Variants in AGPAT3 observed in about 807,000 individuals in gnomAD.
The protein encoded by AGPAT3 is 1-acylglycerol-3-phosphate O-acyltransferase 3, also known as 1-acyl-sn-glycerol-3-phosphate acyltransferase gamma.
AGPAT3 carries 5 observed loss-of-function variants against 47.3 expected under a neutral mutation model. The ratio of observed to expected loss-of-function variants is 0.11; its 90% CI spans 0.06 to 0.22. The LOEUF (loss-of-function observed/expected upper bound fraction) is 0.22, where lower values mean the gene tolerates loss of function less well. Ranked by LOEUF, AGPAT3 falls within the 10% of genes least tolerant of loss-of-function variation. AGPAT3 has a pLI of 1.00. For missense variants in AGPAT3, 315 were observed against 493.0 expected (o/e 0.64, Z 3.42); for synonymous variants, 212 against 208.3 (o/e 1.02, Z -0.15).
intron 2 of AGPAT3, among the ~76,000 whole-genome samples, chr21:43,910,164 G>C (rs534513964): frequency 6.6e-6 from 1 of 152,262 alleles, no homozygotes; most frequent in Non-Finnish European, 1.5e-5. Flanking sequence ...GGACAGAGAG[G>C]GATGGAGACG....
intron 2 of AGPAT3, among the ~76,000 whole-genome samples, chr21:43,917,781 GT>G (rs1238362030): frequency 1.4e-5 from 2 of 146,042 alleles, no homozygotes; most frequent in Non-Finnish European, 3.0e-5. Context: ...TTGGGGTGTT[GT>G]GGGTATTGTG....
intron 1 of AGPAT3, among the ~76,000 whole-genome samples, chr21:43,896,901 G>A (rs1013612236): frequency 1.5e-5 from 2 of 130,456 alleles, no homozygotes. Flanking sequence ...TGTAGACAGT[G>A]TATGATTGGA....
intron 2 of AGPAT3, among the ~76,000 whole-genome samples, chr21:43,927,000 A>G (rs1430182209): frequency 4.6e-5 from 7 of 150,680 alleles, no homozygotes; most frequent in South Asian, 2.1e-4. Context: ...AAAAAAAAAA[A>G]AGAGACAGGG....
At chr21:43,959,430 C>T (rs200998640) in intron 2 of AGPAT3, among the ~76,000 whole-genome samples, 2 of 110,030 alleles carry the variant, frequency 1.8e-5, no homozygotes, top group South Asian at 3.1e-4. Context: ...TGGTGTGTGG[C>T]GTGTGTGTGG....
chr21:43,968,975 C>T, intron 4 of AGPAT3, 143 bp from the exon 5 acceptor site: 1 of 825,210 alleles, frequency 1.2e-6, no homozygotes, highest in Non-Finnish European at 1.8e-6. Flanking sequence ...CCGGGTCCTG[C>T]TTCACAGCAG....
Position 43,948,726 on chromosome 21 carries a change from G to C in AGPAT3, c.-48-10908G>C, listed in dbSNP as rs187589936. On this transcript the variant is annotated intron_variant, in intron 2 of 9. Coordinates refer to ENST00000291572, the MANE Select transcript of AGPAT3 (RefSeq NM_020132.5). ...AAAAGATTCTCATGAACCTAGCAGC[G>C]GTTTTAATTTTGTATTTTATTTATT... 5.0e-3 allele frequency among the ~76,000 whole-genome samples: 754 copies of C among 152,192 alleles called. 3 individuals carry two copies. Among genetic ancestry groups the C allele is most frequent in the African/African-American group, 0.017 (703 of 41,508 alleles).
chr21:43,904,813 TGCTTTCTA>T (rs2086450286), intron 2 of AGPAT3, among the ~76,000 whole-genome samples: 22 of 152,312 alleles, frequency 1.4e-4, no homozygotes, highest in African/African-American at 4.6e-4. Flanking sequence ...CCACTGTGGC[TGCTTTCTA>T]CCCAGGAGGT....
chr21:43,912,514 T>C (rs1248578767), intron 2 of AGPAT3, among the ~76,000 whole-genome samples: 5 of 152,268 alleles, frequency 3.3e-5, no homozygotes, highest in Non-Finnish European at 5.9e-5. Flanking sequence ...CTTTGTTCTT[T>C]CCAATCTTTG....
At chr21:43,899,338 G>A (rs918300301) in intron 1 of AGPAT3, among the ~76,000 whole-genome samples, 4 of 152,138 alleles carry the variant, frequency 2.6e-5, no homozygotes, top group African/African-American at 9.7e-5. Flanking sequence ...TCTCTCCTTT[G>A]AAGGTAGTCT....
chr21:43,920,219 G>GTGTGAA lies in AGPAT3; in HGVS notation c.-49+16205_-49+16206insATGTGA, dbSNP rs35956506. Among the ~76,000 whole-genome samples, 32 of 12,540 alleles carry GTGTGAA rather than the reference G, an allele frequency of 2.6e-3. No individual in the cohort carries two copies. Among genetic ancestry groups the GTGTGAA allele is most frequent in the African/African-American group, 5.0e-3 (31 of 6,148 alleles). The allele number at this position is 12,540 out of a possible 152,430, so 8.2% of individuals were successfully genotyped here. On this transcript the variant is annotated intron_variant, in intron 2 of 9. Transcript: ENST00000291572. This position sits in a 1 kb window ranked among gnomAD's most constrained non-coding sequence, Gnocchi z 6.1. ...CATGTCTTCAGCCCTGTGTGTGTGT[G>GTGTGAA]TGTGAGAGATTGTGAGTGAGTGTGT...
At position 43,952,282 on chromosome 21, in the gene AGPAT3, A is replaced by G. The variant is rs1601403581; in HGVS notation, c.-48-7352A>G. Among the ~76,000 whole-genome samples the G allele has an allele frequency of 6.6e-6, 1 of 152,186 alleles. No individual in the cohort carries two copies. The highest frequency in any genetic ancestry group is 2.1e-4 in the South Asian group (1 of 4,808). ...ACTGCAGGCGGTCTCCCTTTTTCAT[A>G]AGGACACCGGTCAGATGGAATCAGC... is the stretch of plus-strand genomic sequence containing the variant. On this transcript the variant is annotated intron_variant, in intron 2 of 9. Coordinates refer to ENST00000291572, the MANE Select transcript of AGPAT3 (RefSeq NM_020132.5). The surrounding 1 kb of genome is among the most constrained non-coding windows in gnomAD (Gnocchi z 5.6).
rs2088396221 is a variant in AGPAT3 at position 43,955,314 on chromosome 21, T to C, written c.-48-4320T>C. 8 of 1,071,732 alleles carry C rather than the reference T, an allele frequency of 7.5e-6. No homozygotes were observed. Among genetic ancestry groups the C allele is most frequent in the South Asian group, 3.6e-5 (2 of 55,836 alleles). 66.4% of individuals were successfully genotyped at this position (1,071,732 alleles called of 1,614,324 possible). On this transcript the variant is annotated intron_variant, in intron 2 of 9. Transcript: ENST00000291572. This position sits in a 1 kb window ranked among gnomAD's most constrained non-coding sequence, Gnocchi z 4.1. ...GGGTGGGGAAGGACTTGGATGGAAATGTTCCCTGTTGCAGTGTGGTGGGGT... is the reference window on the plus strand; with the variant it reads ...GGGTGGGGAAGGACTTGGATGGAAACGTTCCCTGTTGCAGTGTGGTGGGGT...
At position 43,908,762 on chromosome 21, in the gene AGPAT3, C is replaced by T. The variant is rs1431714857; in HGVS notation, c.-49+4743C>T. ...AGGGCGAGGATCAAAGCCCGTGCTG[C>T]GTCAGCGTGGTGGCCTGCCAGCTCC... On this transcript the variant is annotated intron_variant, in intron 2 of 9. Transcript: ENST00000291572. This position sits in a 1 kb window ranked among gnomAD's most constrained non-coding sequence, Gnocchi z 4.9. 2.6e-5 allele frequency among the ~76,000 whole-genome samples: 4 copies of T among 152,226 alleles called. No homozygotes were observed. The highest frequency in any genetic ancestry group is 1.9e-4 in the East Asian group (1 of 5,192).
At chr21:43,893,496 T>C (rs1248028770) in intron 1 of AGPAT3, among the ~76,000 whole-genome samples, 1 of 152,270 alleles carries the variant, frequency 6.6e-6, no homozygotes, top group East Asian at 1.9e-4. Context: ...CCAAGAACTT[T>C]TTCTTTGCAT....
chr21:43,871,201 A>G (rs2085617293), intron 1 of AGPAT3, among the ~76,000 whole-genome samples: 1 of 152,234 alleles, frequency 6.6e-6, no homozygotes, highest in Admixed American at 6.5e-5. Flanking sequence ...GCATTTCCAA[A>G]ATGCAGGAAG....
intron 2 of AGPAT3, among the ~76,000 whole-genome samples, chr21:43,904,666 C>T (rs903154601): frequency 6.6e-6 from 1 of 152,142 alleles, no homozygotes; most frequent in South Asian, 2.1e-4. Context: ...GGCAGCTCCT[C>T]CTGTGCTCCT....
chr21:43,943,312 G>A (rs2087732819), intron 2 of AGPAT3, among the ~76,000 whole-genome samples: 1 of 152,106 alleles, frequency 6.6e-6, no homozygotes, highest in Admixed American at 6.5e-5. Context: ...CTGACCTCGT[G>A]ATCCACCTGC....
At chr21:43,919,757 T>C (rs1435769291) in intron 2 of AGPAT3, 1 of 152,184 alleles carries the variant, frequency 6.6e-6, no homozygotes, top group Non-Finnish European at 1.5e-5. Context: ...CCACCAGCAA[T>C]GTAGAGGTGT....
intron 2 of AGPAT3, among the ~76,000 whole-genome samples, chr21:43,947,675 G>C (rs554746158): frequency 2.0e-5 from 3 of 150,726 alleles, no homozygotes; most frequent in Non-Finnish European, 4.4e-5. Flanking sequence ...AAGCCATGCT[G>C]CTGTTTCTTT....
Sources: gnomAD v4.1 joint callset for allele counts (sites outside exome capture counted in the v4.1 genomes callset) on GRCh38, gnomAD v4.1.1 for gene constraint, Gnocchi (gnomAD v3.1) non-coding constraint, MANE v1.5 for transcripts, NCBI Gene and HGNC (gene_info 2026-07-23, HGNC 2026-07-21) for gene names.